KCTD1: variants seen among roughly 807,000 people sequenced by gnomAD.
KCTD1 encodes the protein BTB/POZ domain-containing protein KCTD1.
In KCTD1, 24 loss-of-function variants were observed where a neutral mutation model predicts 66.0. The observed-to-expected ratio is 0.36, with a 90% CI of 0.26 to 0.51. The LOEUF is 0.51. Among genes scored for constraint, KCTD1 ranks in the 20% least tolerant of loss-of-function variants. KCTD1 has a pLI of 0.95. For missense variants in KCTD1, 943 were observed against 1,205.2 expected (o/e 0.78, Z 3.22); for synonymous variants, 511 against 517.2 (o/e 0.99, Z 0.16).
Position 26,535,645 on chromosome 18 carries a change from A to T in KCTD1, c.1809+11083T>A, listed in dbSNP as rs1165886590. On this transcript the variant is annotated intron_variant, in intron 1 of 4. Transcript: ENST00000580059. ...CTAAGATTCATTCTGTTTTCAAAAG[A>T]CACATCCATCAATATACTTGTGTTT... Among the ~76,000 whole-genome samples the T allele has an allele frequency of 2.6e-5, 4 of 152,124 alleles. No homozygotes were observed. The East Asian group carries it at 7.7e-4, about 29-fold the overall frequency.
At chr18:26,604,094 G>A (rs1340900858) in intron 1 of KCTD1, among the ~76,000 whole-genome samples, 2 of 152,114 alleles carry the variant, frequency 1.3e-5, no homozygotes, top group Non-Finnish European at 2.9e-5. Context: ...TTTAAAAAGT[G>A]GGCAAAGGAC....
upstream of KCTD1, chr18:26,640,398 G>A (rs77802734): frequency 0.019 from 2,947 of 152,388 alleles, 28 homozygotes; most frequent in Middle Eastern, 0.034. Flanking sequence ...GCAGTGAGCC[G>A]TGATGGTGCC....
At chr18:26,628,387 A>C (rs1158519975) in intron 1 of KCTD1, among the ~76,000 whole-genome samples, 1 of 152,162 alleles carries the variant, frequency 6.6e-6, no homozygotes, top group Non-Finnish European at 1.5e-5. Context: ...TTTTATCATA[A>C]TTCCCATGTA....
At chr18:26,535,779 C>T (rs545354132) in intron 1 of KCTD1, among the ~76,000 whole-genome samples, 2 of 152,138 alleles carry the variant, frequency 1.3e-5, no homozygotes, top group African/African-American at 2.4e-5. Flanking sequence ...GGAGCTGGAA[C>T]CAGAACTTTA....
At chr18:26,654,245 A>T (rs1988086944) in intron 1 of KCTD1, among the ~76,000 whole-genome samples, 1 of 152,198 alleles carries the variant, frequency 6.6e-6, no homozygotes, top group Admixed American at 6.5e-5. Flanking sequence ...ATTGCTTTGG[A>T]TAAATAATTT....
intron 1 of KCTD1, among the ~76,000 whole-genome samples, chr18:26,649,864 G>A (rs1987996829): frequency 6.6e-6 from 1 of 152,130 alleles, no homozygotes; most frequent in Non-Finnish European, 1.5e-5. Context: ...GACCAGAGGC[G>A]ATTCCAAGTT....
chr18:26,597,845 G>C (rs1986803921), intron 1 of KCTD1, among the ~76,000 whole-genome samples: 1 of 151,934 alleles, frequency 6.6e-6, no homozygotes, highest in Admixed American at 6.6e-5. Flanking sequence ...GTAGAGACAG[G>C]GTATCATCGT....
At chr18:26,635,463 C>T (rs1339726138) in intron 1 of KCTD1, among the ~76,000 whole-genome samples, 1 of 152,218 alleles carries the variant, frequency 6.6e-6, no homozygotes, top group African/African-American at 2.4e-5. Flanking sequence ...TTGGCGTGCC[C>T]ACACCCATGG....
chr18:26,619,715 G>C (rs182793376), intron 1 of KCTD1, among the ~76,000 whole-genome samples: 62 of 152,300 alleles, frequency 4.1e-4, no homozygotes, highest in African/African-American at 1.4e-3. Context: ...ATAGAAGCAC[G>C]GGAAAGATGC....
chr18:26,625,328 T>A (rs1451099840), intron 1 of KCTD1, among the ~76,000 whole-genome samples: 1 of 152,138 alleles, frequency 6.6e-6, no homozygotes, highest in Non-Finnish European at 1.5e-5. Context: ...CCACGCCATG[T>A]CTCATCTTGA....
At chr18:26,516,239 T>C (rs529668319) in intron 1 of KCTD1, among the ~76,000 whole-genome samples, 2 of 152,222 alleles carry the variant, frequency 1.3e-5, no homozygotes, top group South Asian at 4.2e-4. Context: ...ATCAGACTAG[T>C]TTTACCTCCT....
chr18:26,589,716 C>T (rs1568002217), intron 1 of KCTD1, among the ~76,000 whole-genome samples: 1 of 152,176 alleles, frequency 6.6e-6, no homozygotes, highest in Admixed American at 6.5e-5. Flanking sequence ...TTAGACCCCT[C>T]CCTAGCCCCA....
chr18:26,459,980 A>G, intron 3 of KCTD1, 55 bp from the exon 4 acceptor site: 1 of 1,312,248 alleles, frequency 7.6e-7, no homozygotes, highest in Non-Finnish European at 1.0e-6. Flanking sequence ...AGTACTAAAC[A>G]TGTCCACATC....
chr18:26,550,557 G>GACACACACACAC (rs907937404), upstream of KCTD1, among the ~76,000 whole-genome samples: 128 of 83,670 alleles, frequency 1.5e-3, no homozygotes, highest in African/African-American at 5.3e-3. The surrounding 1 kb of genome is among the most constrained non-coding windows in gnomAD (Gnocchi z 5.4). Flanking sequence ...GGAAACACAA[G>GACACACACACAC]ACACACAGAC....
At chr18:26,521,494 A>C (rs190047385) in intron 1 of KCTD1, among the ~76,000 whole-genome samples, 1 of 152,334 alleles carries the variant, frequency 6.6e-6, no homozygotes, top group African/African-American at 2.4e-5. Context: ...CTTACTTCAC[A>C]GGGCTGTCTG....
intron 2 of KCTD1, among the ~76,000 whole-genome samples, chr18:26,493,924 T>C (rs1258858494): frequency 1.3e-5 from 2 of 152,216 alleles, no homozygotes; most frequent in Non-Finnish European, 2.9e-5. Context: ...TTTTTCTTAA[T>C]ATCACTACTC....
intron 1 of KCTD1, among the ~76,000 whole-genome samples, chr18:26,655,420 C>T (rs955273334): frequency 6.8e-6 from 1 of 147,204 alleles, no homozygotes; most frequent in Non-Finnish European, 1.5e-5. Flanking sequence ...TTATGTCTCC[C>T]AGTACCACTC....
rs1314031591 is a variant in KCTD1 at position 26,548,227 on chromosome 18, G to A, written c.310C>T (p.Pro104Ser). ...EEEMGLDWDEPLEPEDSAGEE... is the reference protein window; with the variant it reads ...EEEMGLDWDESLEPEDSAGEE... The stretch of plus-strand genomic sequence containing the variant: ...CCGGCCGAGTCCTCGGGCTCCAGGG[G>A]CTCGTCCCAGTCCAGCCCCATCTCC... Residue 104 changes from proline to serine, a missense_variant, in exon 1 of 5, where the codon CCC (proline) becomes TCC (serine). Physicochemically the swap from Pro to Ser is moderately conservative, Grantham distance 74. Around this residue, in one of 10 missense-constraint regions of KCTD1, gnomAD observed 236 missense variants for 206.6 expected, o/e 1.14. Transcript: ENST00000580059. The A allele has an allele frequency of 2.0e-6, 3 of 1,509,822 alleles. No individual in the cohort carries two copies. Among genetic ancestry groups the A allele is most frequent in the Admixed American group, 2.0e-5 (1 of 49,164 alleles). The allele number at this position is 1,509,822 out of a possible 1,614,324, so 93.5% of individuals were successfully genotyped here. A position where few individuals can be genotyped will look rare whatever the true frequency, so the allele number is the denominator to read the frequency against.
At chr18:26,473,135 C>T (rs1981157775) in intron 3 of KCTD1, among the ~76,000 whole-genome samples, 1 of 152,070 alleles carries the variant, frequency 6.6e-6, no homozygotes, top group Admixed American at 6.6e-5. Flanking sequence ...AGTTATCATG[C>T]CAAGAAAAAA....
Sources: gnomAD v4.1 joint callset for allele counts (sites outside exome capture counted in the v4.1 genomes callset) on GRCh38, gnomAD v4.1.1 for gene constraint, gnomAD v4.1.1 regional missense constraint, Gnocchi (gnomAD v3.1) non-coding constraint, MANE v1.5 for transcripts, NCBI Gene and HGNC (gene_info 2026-07-23, HGNC 2026-07-21) for gene names.